RAB27A: variants seen among roughly 807,000 people sequenced by gnomAD.
RAB27A encodes the protein ras-related protein Rab-27A.
In RAB27A, 17 loss-of-function variants were observed where a neutral mutation model predicts 20.8. That is an observed-to-expected ratio of 0.82 (90% CI 0.56 to 1.23). The LOEUF is 1.23. RAB27A is among the 50% of genes most tolerant of loss of function. The pLI, the probability that RAB27A is intolerant of heterozygous loss-of-function variation, is 0.00. For missense variants in RAB27A, 277 were observed against 266.7 expected (o/e 1.04, Z -0.27); for synonymous variants, 85 against 92.8 (o/e 0.92, Z 0.48).
At chr15:55,241,851 C>T (rs1003652922) in intron 2 of RAB27A, among the ~76,000 whole-genome samples, 1 of 151,238 alleles carries the variant, frequency 6.6e-6, no homozygotes, top group Non-Finnish European at 1.5e-5. Context: ...CACATGTACC[C>T]CTGAACTTAA....
intron 6 of RAB27A, among the ~76,000 whole-genome samples, chr15:55,219,157 C>T (rs1459054013): frequency 6.6e-6 from 1 of 152,278 alleles, no homozygotes; most frequent in East Asian, 1.9e-4. Context: ...TTCAACGCAA[C>T]CATATTTAGT....
At chr15:55,220,239 T>A (rs1566903727) in intron 6 of RAB27A, among the ~76,000 whole-genome samples, 2 of 150,306 alleles carry the variant, frequency 1.3e-5, no homozygotes. Flanking sequence ...GATCTGGGGT[T>A]TTTTTGTTTG....
chr15:55,257,221 G>C (rs1235727976), intron 2 of RAB27A, among the ~76,000 whole-genome samples: 1 of 152,114 alleles, frequency 6.6e-6, no homozygotes, highest in Non-Finnish European at 1.5e-5. Flanking sequence ...TGATGAGATT[G>C]GATCGGGGCA....
chr15:55,250,685 T>C (rs16976227), intron 2 of RAB27A, among the ~76,000 whole-genome samples: 30,928 of 152,040 alleles, frequency 0.2, 5,223 homozygotes, highest in African/African-American at 0.46. Context: ...CTTTGGGAAG[T>C]TTGTTGTCTG....
intron 1 of RAB27A, among the ~76,000 whole-genome samples, chr15:55,275,350 G>A (rs1414920739): frequency 6.6e-6 from 1 of 152,178 alleles, no homozygotes; most frequent in African/African-American, 2.4e-5. Flanking sequence ...CAACTGGCCG[G>A]GCATGGTGGC....
intron 6 of RAB27A, among the ~76,000 whole-genome samples, chr15:55,210,772 A>C (rs1000556380): frequency 6.6e-6 from 1 of 151,994 alleles, no homozygotes. Flanking sequence ...AGCTTGATAT[A>C]AATCCCATAT....
chr15:55,270,579 C>G (rs1595737639), intron 1 of RAB27A, among the ~76,000 whole-genome samples: 1 of 152,186 alleles, frequency 6.6e-6, no homozygotes, highest in East Asian at 1.9e-4. Flanking sequence ...TTCTTCCGCC[C>G]ACCTACCCCG....
rs1259074271 is a variant in RAB27A at position 55,202,995 on chromosome 15, AGC to A, written c.*2510_*2511del. On this transcript the variant is annotated 3_prime_UTR_variant, in exon 7 of 7. Coordinates refer to ENST00000336787, the MANE Select transcript of RAB27A (RefSeq NM_183235.3). ...ACAGACTAGACCACTTTTTTATTAC[AGC>A]TTAATTGGCACATGGTTCACTGAAG... The A allele has an allele frequency of 6.6e-6, 1 of 152,214 alleles. No homozygotes were observed. The highest frequency in any genetic ancestry group is 1.9e-4 in the East Asian group (1 of 5,198). 9.4% of individuals were successfully genotyped at this position (152,214 alleles called of 1,614,324 possible). A position where few individuals can be genotyped will look rare whatever the true frequency, so the allele number is the denominator to read the frequency against.
intron 4 of RAB27A, 113 bp downstream of exon 4, chr15:55,230,288 T>C (rs1286628787): frequency 2.0e-6 from 2 of 996,944 alleles, no homozygotes; most frequent in Non-Finnish European, 3.2e-6. Context: ...TTGGCAGCAT[T>C]CAAGTGCAAA....
chr15:55,307,027 A>C (rs1394741421), intron 2 of RAB27A, among the ~76,000 whole-genome samples: 3 of 151,976 alleles, frequency 2.0e-5, no homozygotes, highest in South Asian at 4.1e-4. Context: ...TTCGAGTGTG[A>C]TGTATCCAAG....
At chr15:55,296,388 C>T (rs937462283) in intron 2 of RAB27A, among the ~76,000 whole-genome samples, 9 of 151,854 alleles carry the variant, frequency 5.9e-5, no homozygotes, top group Admixed American at 2.0e-4. Context: ...CCCAGCTACT[C>T]GGGAGGCTGA....
At chr15:55,296,296 G>A (rs2054949268) in intron 2 of RAB27A, among the ~76,000 whole-genome samples, 1 of 149,390 alleles carries the variant, frequency 6.7e-6, no homozygotes, top group Non-Finnish European at 1.5e-5. Flanking sequence ...TGGAGTTCCA[G>A]ACCAGCCTGG....
At chr15:55,308,210 C>T (rs1273993624) in intron 2 of RAB27A, among the ~76,000 whole-genome samples, 1 of 152,076 alleles carries the variant, frequency 6.6e-6, no homozygotes, top group Admixed American at 6.5e-5. Context: ...TTCTGATGAC[C>T]CCGGCAGTGT....
intron 2 of RAB27A, among the ~76,000 whole-genome samples, chr15:55,298,895 C>T (rs2054960359): frequency 6.6e-6 from 1 of 152,230 alleles, no homozygotes; most frequent in Non-Finnish European, 1.5e-5. Flanking sequence ...GCCTGGCTCA[C>T]CAGCAGTCAG....
At chr15:55,262,291 T>A (rs781511216) in intron 2 of RAB27A, among the ~76,000 whole-genome samples, 3 of 152,004 alleles carry the variant, frequency 2.0e-5, no homozygotes, top group Non-Finnish European at 4.4e-5. Flanking sequence ...CATGTAATCC[T>A]AGCAATTTGG....
chr15:55,304,444 C>G (rs187990951), intron 2 of RAB27A, among the ~76,000 whole-genome samples: 11 of 146,434 alleles, frequency 7.5e-5, no homozygotes, highest in African/African-American at 2.4e-4. Flanking sequence ...GTGAGAAACA[C>G]CCAAGAATTA....
chr15:55,215,017 A>G (rs992354816), intron 6 of RAB27A, among the ~76,000 whole-genome samples: 2 of 152,172 alleles, frequency 1.3e-5, no homozygotes, highest in Admixed American at 1.3e-4. Context: ...CCATTCTATC[A>G]CCTTTCAGAA....
intron 6 of RAB27A, among the ~76,000 whole-genome samples, chr15:55,217,663 CAAAAAAAAAAAAAAAAAA>C (rs199813098): frequency 4.6e-5 from 2 of 43,546 alleles, no homozygotes; most frequent in Non-Finnish European, 8.6e-5. Context: ...CACTCCATCT[CAAAAAAAAAAAAAAAAAA>C]AAAAAAAAAA....
At chr15:55,298,305 G>C (rs2141141261) in intron 2 of RAB27A, among the ~76,000 whole-genome samples, 1 of 152,114 alleles carries the variant, frequency 6.6e-6, no homozygotes, top group South Asian at 2.1e-4. Flanking sequence ...CGGCCAGCTT[G>C]AGAAATAAAG....
Sources: gnomAD v4.1 joint callset for allele counts (sites outside exome capture counted in the v4.1 genomes callset) on GRCh38, gnomAD v4.1.1 for gene constraint, MANE v1.5 for transcripts, NCBI Gene and HGNC (gene_info 2026-07-23, HGNC 2026-07-21) for gene names.